DOCK7: variants seen among roughly 807,000 people sequenced by gnomAD.
DOCK7 encodes dedicator of cytokinesis 7, also known as dedicator of cytokinesis protein 7.
Under a neutral mutation model 271.0 loss-of-function variants are expected in DOCK7, and 138 were observed. The observed-to-expected ratio is 0.51, with a 90% CI of 0.44 to 0.59. The LOEUF (loss-of-function observed/expected upper bound fraction) is 0.59. Among genes scored for constraint, DOCK7 ranks in the 20% least tolerant of loss-of-function variants. DOCK7 has a pLI of 0.00. For synonymous variants in DOCK7, 823 were observed against 876.1 expected (o/e 0.94, Z 1.07); for missense variants, 2,066 against 2,592.4 (o/e 0.80, Z 4.41).
At chr1:62,488,032 GATTA>G (rs1646348090) in intron 42 of DOCK7, 1 of 152,328 alleles carries the variant, frequency 6.6e-6, no homozygotes, top group East Asian at 1.9e-4. Flanking sequence ...AGGCTTTTCA[GATTA>G]ATCAGTTCAT....
At position 62,631,262 on chromosome 1, in the gene DOCK7, T is replaced by C. The variant is rs1654595252; in HGVS notation, c.1260A>G (p.Thr420=). The C allele has an allele frequency of 8.7e-6, 14 of 1,608,272 alleles. No homozygotes were observed. The highest frequency in any genetic ancestry group is 1.2e-5 in the Non-Finnish European group (14 of 1,178,174). ...SSAGSLERDS[T]EVEISTGERK... ...TACCTCCAGTACTGATTTCTACTTC[T>C]GTAGAATCTCTTTCCAAACTCCCAG... Residue 420 remains threonine (T), a synonymous_variant, in exon 11 of 50, where the codon ACA becomes ACG. Transcript: ENST00000635253.
chr1:62,591,575 G>A (rs1026976782), intron 14 of DOCK7, among the ~76,000 whole-genome samples: 1 of 152,128 alleles, frequency 6.6e-6, no homozygotes, highest in Non-Finnish European at 1.5e-5. Flanking sequence ...GCTCACAAAT[G>A]TCAATGAGAA....
intron 7 of DOCK7, chr1:62,641,388 C>A: frequency 2.5e-6 from 1 of 398,350 alleles, no homozygotes; most frequent in South Asian, 1.9e-5. Context: ...CACTTTTTGT[C>A]ATAGGGGAGT....
intron 1 of DOCK7, among the ~76,000 whole-genome samples, chr1:62,679,733 T>C (rs1420176269): frequency 6.6e-6 from 1 of 152,192 alleles, no homozygotes; most frequent in Non-Finnish European, 1.5e-5. Flanking sequence ...CACTACCTAA[T>C]AAACATTGCT....
At chr1:62,553,926 C>T (rs1406944587) in intron 21 of DOCK7, among the ~76,000 whole-genome samples, 1 of 152,042 alleles carries the variant, frequency 6.6e-6, no homozygotes, top group African/African-American at 2.4e-5. Context: ...GATGCTCCAG[C>T]TGGTGTCTCT....
In DOCK7 at chr1:62,591,474, A is replaced by C. The variant is rs556810218; in HGVS notation, c.1683-4850T>G. On this transcript the variant is annotated intron_variant, in intron 14 of 49. Transcript: ENST00000635253. The stretch of plus-strand genomic sequence containing the variant: ...ACACGAGTTTACCTAATAAACCTTC[A>C]CATGTCCCCAAACCTAAAAGTTTAA... 2.0e-5 allele frequency among the ~76,000 whole-genome samples: 3 copies of C among 152,206 alleles called. No individual in the cohort carries two copies. In the South Asian group the frequency reaches 6.2e-4, roughly 32 times the overall value.
chr1:62,560,256 G>A (rs538241701), intron 19 of DOCK7, among the ~76,000 whole-genome samples: 3 of 152,252 alleles, frequency 2.0e-5, no homozygotes, highest in East Asian at 3.9e-4. Context: ...CCCTTTCTGT[G>A]TATAGGTTAG....
intron 49 of DOCK7, among the ~76,000 whole-genome samples, chr1:62,457,109 T>A (rs551909572): frequency 1.6e-4 from 24 of 152,252 alleles, no homozygotes; most frequent in African/African-American, 5.8e-4. Flanking sequence ...TCTAAAAAAA[T>A]TATCTGCTTA....
At chr1:62,620,037 T>G in intron 12 of DOCK7, 44 bp from the exon 13 acceptor site, 1 of 1,513,692 alleles carries the variant, frequency 6.6e-7, no homozygotes, top group Non-Finnish European at 9.1e-7. Context: ...AAAACAAATA[T>G]AGCCAGGCAC....
rs971877567 is a variant in DOCK7 at position 62,455,042 on chromosome 1, C to A, written c.*372G>T. On this transcript the variant is annotated 3_prime_UTR_variant, in exon 50 of 50. Transcript: ENST00000635253. ...TAAACATTCACATATTTAATAGTAC[C>A]TTTAAAATAAGCATTACTACATTTA... is the stretch of plus-strand genomic sequence containing the variant. The A allele has an allele frequency of 2.3e-6, 1 of 443,912 alleles. No homozygotes were observed. The highest frequency in any genetic ancestry group is 2.0e-5 in the African/African-American group (1 of 49,064). The allele number at this position is 443,912 out of a possible 1,614,324, so 27.5% of individuals were successfully genotyped here.
At chr1:62,553,337 TATATATATATATATATA>T (rs1557706240) in intron 21 of DOCK7, among the ~76,000 whole-genome samples, 1 of 3,812 alleles carries the variant, frequency 2.6e-4, no homozygotes, top group African/African-American at 1.2e-3. Flanking sequence ...TATATATATA[TATATATATATATATATA>T]TTTTTTTTTT....
chr1:62,626,377 T>G (rs752827636), intron 11 of DOCK7, among the ~76,000 whole-genome samples: 51 of 151,556 alleles, frequency 3.4e-4, no homozygotes, highest in Admixed American at 7.2e-4. Flanking sequence ...AAGAGGCAAC[T>G]GCAGAGTGGA....
chr1:62,631,911 A>G (rs759998321), intron 10 of DOCK7, among the ~76,000 whole-genome samples: 5 of 152,122 alleles, frequency 3.3e-5, no homozygotes, highest in Non-Finnish European at 7.3e-5. Flanking sequence ...AAGGAAAGTA[A>G]AAAGTAAAAA....
intron 46 of DOCK7, 97 bp from the exon 47 acceptor site, chr1:62,475,448 A>G (rs1645941514): frequency 7.2e-6 from 10 of 1,385,196 alleles, no homozygotes; most frequent in Non-Finnish European, 9.7e-6. Flanking sequence ...AAAAAGATCA[A>G]TTGTAAACTT....
At chr1:62,511,510 G>C (rs572741450) in intron 33 of DOCK7, 25 of 152,106 alleles carry the variant, frequency 1.6e-4, no homozygotes, top group Admixed American at 1.6e-3. Flanking sequence ...AGAGGATGAA[G>C]AATAATGAAA....
In DOCK7 at chr1:62,535,595, A is replaced by G. The variant is rs747577095; in HGVS notation, c.3509T>C (p.Ile1170Thr). 1.2e-6 allele frequency: 2 copies of G among 1,613,970 alleles called. No homozygotes were observed. Among genetic ancestry groups the G allele is most frequent in the Non-Finnish European group, 1.7e-6 (2 of 1,179,946 alleles). ...CACGGATAATTCAAACATATTTGCA[A>G]TCTTTTGGTCTTGTACATTCGTAGA... Reference protein sequence around the residue: ...GFSTNVQDQKIANMFELSVPF... With the variant: ...GFSTNVQDQKTANMFELSVPF... The change falls in exon 29 of 50, where the codon ATT becomes ACT. Residue 1170 changes from isoleucine to threonine, a missense_variant. Physicochemically the swap from Ile to Thr is moderately conservative, Grantham distance 89. Around this residue, in one of 2 missense-constraint regions of DOCK7, gnomAD observed 1,414 missense variants for 1,670.4 expected, o/e 0.85. Coordinates refer to ENST00000635253, the MANE Select transcript of DOCK7 (RefSeq NM_001367561.1).
At chr1:62,583,589 T>C (rs180785379) in intron 15 of DOCK7, among the ~76,000 whole-genome samples, 166 of 152,310 alleles carry the variant, frequency 1.1e-3, no homozygotes, top group African/African-American at 3.6e-3. Context: ...TTGGAACTTA[T>C]GTAAGAAATA....
At chr1:62,651,152 G>A (rs1311073918) in intron 4 of DOCK7, among the ~76,000 whole-genome samples, 1 of 151,716 alleles carries the variant, frequency 6.6e-6, no homozygotes, top group Non-Finnish European at 1.5e-5. Context: ...GTAGGGACAT[G>A]GATGAAGCTG....
At chr1:62,614,818 TA>T (rs1652240207) in intron 14 of DOCK7, among the ~76,000 whole-genome samples, 3 of 152,086 alleles carry the variant, frequency 2.0e-5, no homozygotes, top group South Asian at 4.1e-4. Flanking sequence ...TGACACTGGA[TA>T]ATGTTCTTGG....
Sources: allele counts gnomAD v4.1 joint callset (sites outside exome capture counted in the v4.1 genomes callset), GRCh38; gene constraint gnomAD v4.1.1; regional missense constraint gnomAD v4.1.1; transcripts MANE v1.5; gene names NCBI Gene and HGNC (gene_info 2026-07-23, HGNC 2026-07-21).